Variants in CABLES1 observed in about 807,000 individuals in gnomAD.
CABLES1 encodes CDK5 and ABL1 enzyme substrate 1.
In CABLES1, 36 loss-of-function variants were observed where a neutral mutation model predicts 57.8. The observed-to-expected ratio is 0.62, with a 90% CI of 0.48 to 0.82. The LOEUF is 0.82. Among genes scored for constraint, CABLES1 ranks in the 40% least tolerant of loss-of-function variants. CABLES1 has a pLI of 0.00. For missense variants in CABLES1, 767 were observed against 836.6 expected (o/e 0.92, Z 1.03); for synonymous variants, 374 against 363.0 (o/e 1.03, Z -0.35).
At chr18:23,156,329 T>C (rs909333704) in intron 1 of CABLES1, among the ~76,000 whole-genome samples, 3 of 152,136 alleles carry the variant, frequency 2.0e-5, no homozygotes, top group Non-Finnish European at 4.4e-5. Context: ...TTGTCTCTGT[T>C]CTCTGGGTTG....
At chr18:23,237,491 G>A (rs1226833999) in intron 7 of CABLES1, among the ~76,000 whole-genome samples, 2 of 152,214 alleles carry the variant, frequency 1.3e-5, no homozygotes, top group African/African-American at 4.8e-5. Flanking sequence ...GCTCAGGTTG[G>A]GGGACCCTCT....
In CABLES1 at chr18:23,257,245, C is replaced by A. The variant is rs770378361; in HGVS notation, c.1780C>A (p.Arg594=). The change falls in exon 10 of 10, where the codon CGG becomes AGG. Residue 594 remains arginine, a synonymous_variant. Coordinates refer to ENST00000256925, the MANE Select transcript of CABLES1 (RefSeq NM_001100619.3). ...GTTGCAGAAACTGGAAGAGAAGTTC[C>A]GGCTGAACAGGCGAGAACTGATTGC... ...HLIDKLEEKF[R]LNRRELIAFE... 1.2e-6 allele frequency: 2 copies of A among 1,605,638 alleles called. No homozygotes were observed. Among genetic ancestry groups the A allele is most frequent in the East Asian group, 2.2e-5 (1 of 44,804 alleles).
chr18:23,246,452 CAA>C lies in CABLES1; in HGVS notation c.1447-6507_1447-6506del, dbSNP rs1568088729. 2.6e-4 allele frequency among the ~76,000 whole-genome samples: 39 copies of C among 152,024 alleles called. 1 individual carries two copies. Among genetic ancestry groups the C allele is most frequent in the Admixed American group, 2.5e-3 (38 of 15,266 alleles). On this transcript the variant is annotated intron_variant, in intron 7 of 9. Coordinates refer to ENST00000256925, the MANE Select transcript of CABLES1 (RefSeq NM_001100619.3). ...TGTCGCCCAGGCTGAAGTGCAGTGGCAAGATCTTGGCTCACTGCAAGCTCCGC... is the reference window on the plus strand; with the variant it reads ...TGTCGCCCAGGCTGAAGTGCAGTGGCGATCTTGGCTCACTGCAAGCTCCGC...
At chr18:23,162,048 C>A (rs1183159650) in intron 1 of CABLES1, among the ~76,000 whole-genome samples, 1 of 151,968 alleles carries the variant, frequency 6.6e-6, no homozygotes, top group Non-Finnish European at 1.5e-5. Context: ...ACCTGCAATC[C>A]CAGCTACTTG....
chr18:23,134,634 T>C (rs1231159880), upstream of CABLES1: 1 of 152,182 alleles, frequency 6.6e-6, no homozygotes, highest in African/African-American at 2.4e-5. Context: ...GAGATCATAA[T>C]CTACAAAAAT....
chr18:23,218,850 C>T (rs191125630), intron 4 of CABLES1, among the ~76,000 whole-genome samples: 11 of 152,290 alleles, frequency 7.2e-5, no homozygotes, highest in East Asian at 5.8e-4. Context: ...CTGCTCCCAG[C>T]GAATTAAGGC....
rs1555673051 is a variant in CABLES1 at position 23,257,212 on chromosome 18, T to C, written c.1762-15T>C. ...TTTCAAAATGAACATGCTTTTGATTTTCTTTTTGTTGCAGAAACTGGAAGA... is the reference window on the plus strand; with the variant it reads ...TTTCAAAATGAACATGCTTTTGATTCTCTTTTTGTTGCAGAAACTGGAAGA... On this transcript the variant is annotated splice_polypyrimidine_tract_variant and intron_variant, in intron 9 of 9. Coordinates refer to ENST00000256925, the MANE Select transcript of CABLES1 (RefSeq NM_001100619.3). 3 of 1,603,460 alleles carry C rather than the reference T, an allele frequency of 1.9e-6. No individual in the cohort carries two copies. The highest frequency in any genetic ancestry group is 4.5e-5 in the East Asian group (2 of 44,746).
intron 7 of CABLES1, among the ~76,000 whole-genome samples, chr18:23,245,722 C>T (rs1251623679): frequency 6.6e-6 from 1 of 152,230 alleles, no homozygotes; most frequent in South Asian, 2.1e-4. Context: ...GTGGACAGTG[C>T]CTTCCATCTG....
At chr18:23,224,371 C>T (rs2047511649) in intron 4 of CABLES1, among the ~76,000 whole-genome samples, 1 of 152,068 alleles carries the variant, frequency 6.6e-6, no homozygotes, top group Admixed American at 6.5e-5. Flanking sequence ...TGGGAACGAG[C>T]TGGCAGGCAG....
chr18:23,146,910 ATCT>A (rs1257752330), intron 1 of CABLES1, among the ~76,000 whole-genome samples: 1 of 152,158 alleles, frequency 6.6e-6, no homozygotes, highest in African/African-American at 2.4e-5. Flanking sequence ...CCAGTCTCAA[ATCT>A]TCTACTTGTG....
At chr18:23,231,005 C>T (rs2047563699) in intron 4 of CABLES1, among the ~76,000 whole-genome samples, 1 of 151,012 alleles carries the variant, frequency 6.6e-6, no homozygotes, top group Non-Finnish European at 1.5e-5. Flanking sequence ...GCATGGGTCC[C>T]ATTTGATCAT....
intron 4 of CABLES1, among the ~76,000 whole-genome samples, chr18:23,223,009 G>C (rs891378188): frequency 1.3e-5 from 2 of 152,170 alleles, no homozygotes; most frequent in Non-Finnish European, 2.9e-5. Context: ...CTCCGATCAC[G>C]AGTGCTCTGC....
intron 4 of CABLES1, among the ~76,000 whole-genome samples, chr18:23,225,916 T>C (rs974244393): frequency 1.3e-5 from 2 of 152,188 alleles, no homozygotes; most frequent in Admixed American, 6.5e-5. Flanking sequence ...CCAGCCCCCA[T>C]TGTGGGCTAC....
At chr18:23,179,618 G>C (rs200571839) in intron 1 of CABLES1, among the ~76,000 whole-genome samples, 4 of 152,382 alleles carry the variant, frequency 2.6e-5, no homozygotes, top group East Asian at 3.9e-4. Flanking sequence ...TGCCACTGTA[G>C]TGTCAGACTC....
chr18:23,223,769 C>A (rs1405488156), intron 4 of CABLES1, among the ~76,000 whole-genome samples: 1 of 151,946 alleles, frequency 6.6e-6, no homozygotes, highest in Non-Finnish European at 1.5e-5. Context: ...TATTGCCAGG[C>A]CCTTCTGAAG....
At chr18:23,153,388 A>G (rs1568045186) in intron 1 of CABLES1, among the ~76,000 whole-genome samples, 1 of 151,962 alleles carries the variant, frequency 6.6e-6, no homozygotes, top group Non-Finnish European at 1.5e-5. Context: ...ATGTGCCACT[A>G]TGACCAGCAA....
At chr18:23,222,769 A>AG (rs58416127) in intron 4 of CABLES1, among the ~76,000 whole-genome samples, 7,113 of 152,216 alleles carry the variant, frequency 0.047, 609 homozygotes, top group Admixed American at 0.22. Context: ...GTTGGCCATA[A>AG]GGAAGGCCCA....
intron 2 of CABLES1, 29 bp from the exon 3 acceptor site, chr18:23,194,419 T>C: frequency 7.0e-7 from 1 of 1,435,182 alleles, no homozygotes; most frequent in Non-Finnish European, 9.8e-7. Flanking sequence ...GGCAACTGAC[T>C]GTGTTTTTGA....
chr18:23,228,097 G>A (rs534219795), intron 4 of CABLES1, among the ~76,000 whole-genome samples: 1 of 152,274 alleles, frequency 6.6e-6, no homozygotes, highest in South Asian at 2.1e-4. Flanking sequence ...AGATATTTAA[G>A]TCTTGTCTTT....
Sources: allele counts gnomAD v4.1 joint callset (sites outside exome capture counted in the v4.1 genomes callset), GRCh38; gene constraint gnomAD v4.1.1; transcripts MANE v1.5; gene names NCBI Gene and HGNC (gene_info 2026-07-23, HGNC 2026-07-21).